SMYD3: variants seen among roughly 807,000 people sequenced by gnomAD.
SMYD3 encodes histone-lysine N-methyltransferase SMYD3.
Under a neutral mutation model 57.7 loss-of-function variants are expected in SMYD3, and 36 were observed. The observed-to-expected ratio is 0.62, with a 90% CI of 0.48 to 0.82. The LOEUF is 0.82. SMYD3 is among the 40% of genes least tolerant of loss of function. The pLI, the probability that SMYD3 is intolerant of heterozygous loss-of-function variation, is 0.00. For synonymous variants in SMYD3, 211 were observed against 195.0 expected (o/e 1.08, Z -0.68); for missense variants, 515 against 538.8 (o/e 0.96, Z 0.44).
intron 5 of SMYD3, among the ~76,000 whole-genome samples, chr1:246,084,240 C>T (rs987560648): frequency 1.4e-5 from 2 of 146,458 alleles, no homozygotes; most frequent in South Asian, 4.4e-4. Flanking sequence ...GACAAGAGCT[C>T]ACTCTGTCAC....
chr1:245,757,515 G>C (rs1464144679), intron 11 of SMYD3, among the ~76,000 whole-genome samples: 1 of 152,004 alleles, frequency 6.6e-6, no homozygotes, highest in Non-Finnish European at 1.5e-5. Context: ...AATGTCATGA[G>C]GCTTTTTCCT....
chr1:245,965,773 A>C (rs371811569), intron 5 of SMYD3, among the ~76,000 whole-genome samples: 1 of 152,222 alleles, frequency 6.6e-6, no homozygotes, highest in African/African-American at 2.4e-5. Flanking sequence ...TTTTGGGGGC[A>C]GTGAAAAAAG....
chr1:246,458,996 T>C (rs934385993), intron 1 of SMYD3, among the ~76,000 whole-genome samples: 2 of 152,154 alleles, frequency 1.3e-5, no homozygotes, highest in Admixed American at 6.5e-5. Flanking sequence ...TTCAGCTCTG[T>C]GTCCCCACCC....
Position 245,754,763 on chromosome 1 carries a change from C to T in SMYD3, c.1186-5099G>A, listed in dbSNP as rs557682402. 1.4e-4 allele frequency among the ~76,000 whole-genome samples: 21 copies of T among 152,338 alleles called. 1 individual carries two copies. The South Asian group carries it at 3.9e-3, about 29-fold the overall frequency. ...GATAACATCTACCCATTCATTCACTCAATACTGTCTGAGCAGCTTTAATGA... is the reference window on the plus strand; with the variant it reads ...GATAACATCTACCCATTCATTCACTTAATACTGTCTGAGCAGCTTTAATGA... On this transcript the variant is annotated intron_variant, in intron 11 of 11. Coordinates refer to ENST00000490107, the MANE Select transcript of SMYD3 (RefSeq NM_001167740.2).
chr1:246,459,472 C>T (rs1030482573), intron 1 of SMYD3, among the ~76,000 whole-genome samples: 1 of 146,940 alleles, frequency 6.8e-6, no homozygotes, highest in Non-Finnish European at 1.5e-5. Flanking sequence ...CTGCTATTCT[C>T]GCAATAAGAG....
chr1:246,294,483 T>C (rs2064755585), intron 5 of SMYD3, among the ~76,000 whole-genome samples: 1 of 152,230 alleles, frequency 6.6e-6, no homozygotes, highest in South Asian at 2.1e-4. Context: ...CAGTGCCTAC[T>C]ATGTGCCAGC....
chr1:246,194,716 T>C (rs1462815165), intron 5 of SMYD3, among the ~76,000 whole-genome samples: 2 of 152,212 alleles, frequency 1.3e-5, no homozygotes, highest in Non-Finnish European at 2.9e-5. Context: ...ATTCAATTCC[T>C]CAGTCACATT....
chr1:246,157,087 G>A (rs188975725), intron 5 of SMYD3, among the ~76,000 whole-genome samples: 5 of 152,314 alleles, frequency 3.3e-5, no homozygotes, highest in East Asian at 3.9e-4. Flanking sequence ...TTTACTTAGC[G>A]CTTACATCAC....
chr1:246,257,768 A>C (rs557902162), intron 5 of SMYD3, among the ~76,000 whole-genome samples: 25 of 152,104 alleles, frequency 1.6e-4, no homozygotes, highest in Non-Finnish European at 3.4e-4. Flanking sequence ...CCATATTTAG[A>C]ACTTGATATG....
At chr1:246,393,674 T>TA (rs796510890) in intron 1 of SMYD3, among the ~76,000 whole-genome samples, 24,338 of 92,194 alleles carry the variant, frequency 0.26, 3,161 homozygotes, top group African/African-American at 0.28. Context: ...CCCCCATCTC[T>TA]AAAAAAAAAA....
At chr1:246,393,162 A>G (rs2066600189) in intron 1 of SMYD3, among the ~76,000 whole-genome samples, 1 of 152,240 alleles carries the variant, frequency 6.6e-6, no homozygotes, top group East Asian at 1.9e-4. Flanking sequence ...GTTCTAAAAT[A>G]GGTAATGGCT....
At chr1:245,969,801 T>C (rs1251212330) in intron 5 of SMYD3, among the ~76,000 whole-genome samples, 1 of 152,254 alleles carries the variant, frequency 6.6e-6, no homozygotes, top group African/African-American at 2.4e-5. Flanking sequence ...TCCATCAGAA[T>C]GCTATTAGCA....
intron 8 of SMYD3, among the ~76,000 whole-genome samples, chr1:245,911,852 G>T (rs976496786): frequency 1.3e-5 from 2 of 151,996 alleles, no homozygotes; most frequent in Non-Finnish European, 2.9e-5. Flanking sequence ...ATAGTTTACT[G>T]TATATTTCAA....
At chr1:245,792,937 C>G (rs990667767) in intron 10 of SMYD3, among the ~76,000 whole-genome samples, 4 of 152,144 alleles carry the variant, frequency 2.6e-5, no homozygotes, top group African/African-American at 9.7e-5. Flanking sequence ...AAACACTGTG[C>G]TGAAAGTAAG....
intron 5 of SMYD3, among the ~76,000 whole-genome samples, chr1:246,241,006 T>C (rs908447043): frequency 6.6e-6 from 1 of 151,968 alleles, no homozygotes; most frequent in Admixed American, 6.6e-5. Flanking sequence ...GACAATGGGG[T>C]TTTCTAAATA....
intron 5 of SMYD3, among the ~76,000 whole-genome samples, chr1:246,262,199 T>C (rs2064024717): frequency 6.6e-6 from 1 of 152,188 alleles, no homozygotes; most frequent in African/African-American, 2.4e-5. Flanking sequence ...TGTGTGTGTG[T>C]TTTCTTTGTA....
At chr1:246,292,095 A>G (rs536869938) in intron 5 of SMYD3, among the ~76,000 whole-genome samples, 35 of 151,728 alleles carry the variant, frequency 2.3e-4, no homozygotes, top group African/African-American at 8.5e-4. Context: ...TAGACTTACT[A>G]TCCAACACAC....
Position 245,962,521 on chromosome 1 carries a change from C to T in SMYD3, c.532-32584G>A, listed in dbSNP as rs551696192. Among the ~76,000 whole-genome samples the T allele has an allele frequency of 1.4e-3, 211 of 152,284 alleles. 4 individuals carry two copies. The South Asian group carries it at 0.015, about 11-fold the overall frequency. On this transcript the variant is annotated intron_variant, in intron 5 of 11. Coordinates refer to ENST00000490107, the MANE Select transcript of SMYD3 (RefSeq NM_001167740.2). Reference sequence around the variant, plus strand: ...ACATGGTTATTTTATTCCTCCATGTCCTTACCAACTAAACAAGCCATATGA... The same window carrying T: ...ACATGGTTATTTTATTCCTCCATGTTCTTACCAACTAAACAAGCCATATGA...
chr1:246,306,838 G>A (rs1148719), intron 5 of SMYD3, among the ~76,000 whole-genome samples: 68,566 of 151,884 alleles, frequency 0.45, 16,329 homozygotes, highest in East Asian at 0.82. Flanking sequence ...GGATTTTGCC[G>A]AGTCATGTAG....
Sources: allele counts gnomAD v4.1 joint callset (sites outside exome capture counted in the v4.1 genomes callset), GRCh38; gene constraint gnomAD v4.1.1; transcripts MANE v1.5; gene names NCBI Gene and HGNC (gene_info 2026-07-23, HGNC 2026-07-21).